MGST2: variants seen among roughly 807,000 people sequenced by gnomAD.
The protein encoded by MGST2 is microsomal glutathione S-transferase 2, also known as glutathione peroxidase MGST2.
In MGST2, 9 loss-of-function variants were observed where a neutral mutation model predicts 16.6. That is an observed-to-expected ratio of 0.54 (90% CI 0.33 to 0.95). MGST2 has a LOEUF of 0.95. MGST2 is among the 40% of genes least tolerant of loss of function. The probability of loss-of-function intolerance (pLI) is 0.03; values close to 1 mark genes in which losing one functional copy is unlikely to be tolerated. For missense variants in MGST2, 159 were observed against 175.1 expected, an observed-to-expected ratio of 0.91 and a Z score of 0.52; for synonymous variants, 79 against 68.0, an observed-to-expected ratio of 1.16 and a Z score of -0.79.
At chr4:139,710,701 C>T (rs781403956) in intron 5 of MGST2, among the ~76,000 whole-genome samples, 1 of 152,128 alleles carries the variant, frequency 6.6e-6, no homozygotes. Context: ...TAGCGATGGC[C>T]TCTTCTTCAT....
chr4:139,672,011 G>T (rs989009864), intron 1 of MGST2, among the ~76,000 whole-genome samples: 1 of 152,084 alleles, frequency 6.6e-6, no homozygotes, highest in Non-Finnish European at 1.5e-5. Flanking sequence ...AGAACAGAAG[G>T]GCTTCTATCC....
At chr4:139,703,333 T>C in intron 3 of MGST2, 122 bp from the exon 4 acceptor site, 1 of 829,858 alleles carries the variant, frequency 1.2e-6, no homozygotes, top group Non-Finnish European at 2.0e-6. Context: ...CTCTCTATAT[T>C]CTGAATATAA....
At chr4:139,698,771 CTTTTTCTTTCT>C (rs1271689495) in intron 3 of MGST2, among the ~76,000 whole-genome samples, 2 of 152,094 alleles carry the variant, frequency 1.3e-5, no homozygotes, top group South Asian at 2.1e-4. Context: ...TTACAAATCA[CTTTTTCTTTCT>C]TTTTTCTTTT....
chr4:139,742,150 T>TTTTC (rs1491146933), downstream of MGST2, among the ~76,000 whole-genome samples: 3 of 1,000 alleles, frequency 3.0e-3, no homozygotes, highest in Admixed American at 0.016. Flanking sequence ...TTTTCTTTTC[T>TTTTC]TTTTTTTTTT....
At chr4:139,683,919 GTTTTTTTTT>G (rs34222679) in intron 2 of MGST2, among the ~76,000 whole-genome samples, 5 of 92,408 alleles carry the variant, frequency 5.4e-5, no homozygotes, top group Non-Finnish European at 2.1e-5. Flanking sequence ...TCAGTTTTGT[GTTTTTTTTT>G]TTTTTTTTTT....
At chr4:139,698,659 T>A (rs1320276408) in intron 3 of MGST2, 2 of 746,832 alleles carry the variant, frequency 2.7e-6, no homozygotes, top group Non-Finnish European at 4.6e-6. Flanking sequence ...CTTATAGCAA[T>A]CCTGCTCCCA....
At chr4:139,753,341 AATCT>A in the MGST2 span, among the ~76,000 whole-genome samples, 15,526 of 146,586 alleles carry the variant, frequency 0.11, 904 homozygotes, top group South Asian at 0.14. Flanking sequence ...TTTTCTTTTT[AATCT>A]ATCTATCTAT....
At chr4:139,689,829 C>T (rs532662979) in intron 2 of MGST2, among the ~76,000 whole-genome samples, 332 of 152,196 alleles carry the variant, frequency 2.2e-3, no homozygotes, top group African/African-American at 7.6e-3. Context: ...ATATTGTGTT[C>T]GTTGGACACG....
chr4:139,666,232 C>T (rs1730342995), intron 1 of MGST2, among the ~76,000 whole-genome samples, 155 bp downstream of exon 1: 2 of 151,930 alleles, frequency 1.3e-5, no homozygotes, highest in Non-Finnish European at 2.9e-5. Context: ...AGAGCACAGT[C>T]GCCTCAGGGT....
At chr4:139,672,341 T>C (rs1234233752) in intron 1 of MGST2, among the ~76,000 whole-genome samples, 2 of 152,290 alleles carry the variant, frequency 1.3e-5, no homozygotes, top group South Asian at 2.1e-4. Context: ...CTGTGAAGCA[T>C]GTTAGAAGCA....
At chr4:139,686,829 C>G (rs1468917052) in intron 2 of MGST2, among the ~76,000 whole-genome samples, 1 of 152,178 alleles carries the variant, frequency 6.6e-6, no homozygotes, top group Non-Finnish European at 1.5e-5. Context: ...TTATAAAAAT[C>G]ATCACGGGAG....
At chr4:139,673,965 C>T (rs1730836578) in intron 1 of MGST2, among the ~76,000 whole-genome samples, 1 of 152,214 alleles carries the variant, frequency 6.6e-6, no homozygotes, top group East Asian at 1.9e-4. Context: ...TATCTTGACA[C>T]AGGGGCTTAC....
intron 1 of MGST2, among the ~76,000 whole-genome samples, chr4:139,667,860 G>GA (rs1022829562): frequency 4.0e-5 from 6 of 150,712 alleles, no homozygotes; most frequent in African/African-American, 1.2e-4. Context: ...CCATCTCAAA[G>GA]AAAAAAAAAA....
At chr4:139,705,945 C>T (rs1264308375), downstream of MGST2, among the ~76,000 whole-genome samples, 1 of 152,028 alleles carries the variant, frequency 6.6e-6, no homozygotes, top group African/African-American at 2.4e-5. Flanking sequence ...AAATAAAAGG[C>T]AAAATGAATT....
At chr4:139,673,828 G>A (rs1730829272) in intron 1 of MGST2, among the ~76,000 whole-genome samples, 1 of 152,186 alleles carries the variant, frequency 6.6e-6, no homozygotes, top group Admixed American at 6.5e-5. Context: ...ACAGGAGTGA[G>A]CCAACAGACT....
rs137962048 is a variant in MGST2 at position 139,686,386 on chromosome 4, T to G, written c.158+7744T>G. Among the ~76,000 whole-genome samples the G allele has an allele frequency of 1.8e-3, 270 of 152,342 alleles. 1 individual carries two copies. The highest frequency in any genetic ancestry group is 6.0e-3 in the African/African-American group (249 of 41,574). Reference sequence around the variant, plus strand: ...TTCTTATCAGCCTTAAAGTCTGTGTTGCTGTGAATGCTGAAGAGGTATAAG... The same window carrying G: ...TTCTTATCAGCCTTAAAGTCTGTGTGGCTGTGAATGCTGAAGAGGTATAAG... On this transcript the variant is annotated intron_variant, in intron 2 of 4. Transcript: ENST00000265498.
intron 3 of MGST2, among the ~76,000 whole-genome samples, chr4:139,700,705 ATG>A (rs1727203615): frequency 6.6e-6 from 1 of 152,200 alleles, no homozygotes; most frequent in Non-Finnish European, 1.5e-5. Context: ...TGCCGTTTGT[ATG>A]TAGCGACTCT....
downstream of MGST2, among the ~76,000 whole-genome samples, chr4:139,707,998 C>T (rs1254873027): frequency 2.4e-3 from 365 of 152,068 alleles, no homozygotes; most frequent in African/African-American, 4.7e-3. Context: ...TTCTCCCATT[C>T]TGTAGGTTGC....
rs781605620 is a variant in MGST2 at position 139,719,830 on chromosome 4, G to A, written c.*48+15634G>A. 1.9e-6 allele frequency: 3 copies of A among 1,613,440 alleles called. No homozygotes were observed. The African/African-American group carries it at 4.0e-5, about 22-fold the overall frequency. ...ATTCTCCACTAGTCCTCCCAGGCAT[G>A]CCCTGCAAGCTCCTCTGTTGCCAGC... On this transcript the variant is annotated intron_variant, in intron 5 of 5. Coordinates refer to the MGST2 transcript ENST00000616265.
Sources: allele counts gnomAD v4.1 joint callset (sites outside exome capture counted in the v4.1 genomes callset), GRCh38; gene constraint gnomAD v4.1.1; transcripts MANE v1.5; gene names NCBI Gene and HGNC (gene_info 2026-07-23, HGNC 2026-07-21).